Variants in SYNJ2BP observed in about 807,000 individuals in gnomAD.
The protein encoded by SYNJ2BP is synaptojanin 2 binding protein.
A neutral mutation model predicts 16.9 loss-of-function variants in SYNJ2BP; 10 were observed. That is an observed-to-expected ratio of 0.59 (90% CI 0.36 to 1.00). The LOEUF is 1.00. SYNJ2BP is among the 50% of genes least tolerant of loss of function. The pLI is 0.01. For missense variants in SYNJ2BP, 162 were observed against 186.7 expected (o/e 0.87, Z 0.77); for synonymous variants, 54 against 68.4 (o/e 0.79, Z 1.04).
intron 1 of SYNJ2BP, among the ~76,000 whole-genome samples, chr14:70,416,431 T>C (rs975890535): frequency 6.6e-6 from 1 of 151,876 alleles, no homozygotes. Context: ...CTAGTTGACA[T>C]TGTAAATGAA....
rs1448630777 is a variant in SYNJ2BP at position 70,417,012 on chromosome 14, C to T, written c.-49G>A. 6 of 1,613,806 alleles carry T rather than the reference C, an allele frequency of 3.7e-6. No homozygotes were observed. The highest frequency in any genetic ancestry group is 5.1e-6 in the Non-Finnish European group (6 of 1,179,850). ...TACTTGGGTCAGCTGGAGTGCAGCACAGGTGAAGGTGAATCAATCTCGGCG... is the reference window on the plus strand; with the variant it reads ...TACTTGGGTCAGCTGGAGTGCAGCATAGGTGAAGGTGAATCAATCTCGGCG... On this transcript the variant is annotated 5_prime_UTR_variant, in exon 1 of 4. In the 5' UTR this introduces an upstream ATG that the reference lacks. Transcript: ENST00000256366.
chr14:70,395,879 C>A (rs140819751), intron 1 of SYNJ2BP, among the ~76,000 whole-genome samples: 2 of 152,176 alleles, frequency 1.3e-5, no homozygotes, highest in Non-Finnish European at 2.9e-5. Flanking sequence ...AGTAGAATCA[C>A]ACAATATTTG....
chr14:70,410,719 G>A (rs1888454309), intron 1 of SYNJ2BP, among the ~76,000 whole-genome samples: 1 of 152,150 alleles, frequency 6.6e-6, no homozygotes, highest in South Asian at 2.1e-4. Flanking sequence ...TCGCAGGAAC[G>A]TGGATGCAGC....
At chr14:70,389,086 G>T (rs1364669045) in intron 1 of SYNJ2BP, among the ~76,000 whole-genome samples, 1 of 151,962 alleles carries the variant, frequency 6.6e-6, no homozygotes, top group African/African-American at 2.4e-5. Context: ...AGGATTACAG[G>T]TGTGAGCCAC....
chr14:70,378,424 CTTTT>C (rs34309608), intron 2 of SYNJ2BP, among the ~76,000 whole-genome samples: 1 of 110,136 alleles, frequency 9.1e-6, no homozygotes, highest in African/African-American at 3.7e-5. Flanking sequence ...TTCCTTCAAA[CTTTT>C]TTTTTTTTTT....
In SYNJ2BP at chr14:70,372,918, C is replaced by A. The variant is rs3742916; in HGVS notation, c.*73G>T. 7,328 of 1,585,056 alleles carry A rather than the reference C, an allele frequency of 4.6e-3. 335 individuals carry two copies. In the East Asian group the frequency reaches 0.1, roughly 22 times the overall value. On this transcript the variant is annotated 3_prime_UTR_variant, in exon 4 of 4. Coordinates refer to ENST00000256366, the MANE Select transcript of SYNJ2BP (RefSeq NM_018373.3). Reference sequence around the variant, plus strand: ...CTGGCTATGCAGAGAGAGGGAAAGACATGGCAGAATAGCAGGGGTGGAGGG... The same window carrying A: ...CTGGCTATGCAGAGAGAGGGAAAGAAATGGCAGAATAGCAGGGGTGGAGGG...
chr14:70,416,027 G>T (rs975434664), intron 1 of SYNJ2BP, among the ~76,000 whole-genome samples: 5 of 152,206 alleles, frequency 3.3e-5, no homozygotes, highest in Non-Finnish European at 5.9e-5. Flanking sequence ...TCAAGAATCA[G>T]TAAGAGGTTA....
At chr14:70,383,943 A>G (rs1444848698) in intron 2 of SYNJ2BP, among the ~76,000 whole-genome samples, 1 of 149,640 alleles carries the variant, frequency 6.7e-6, no homozygotes, top group Non-Finnish European at 1.5e-5. Flanking sequence ...TTCACTTTTG[A>G]TGAGAAAGAG....
chr14:70,406,253 T>C (rs1392385008), intron 1 of SYNJ2BP, among the ~76,000 whole-genome samples: 1 of 152,120 alleles, frequency 6.6e-6, no homozygotes, highest in Non-Finnish European at 1.5e-5. Context: ...AACTTTATAT[T>C]TAAAATGCTT....
At chr14:70,393,072 C>A (rs1054823021) in intron 1 of SYNJ2BP, among the ~76,000 whole-genome samples, 5 of 152,082 alleles carry the variant, frequency 3.3e-5, no homozygotes, top group Admixed American at 2.6e-4. Flanking sequence ...TGACAAAGGG[C>A]TAATATCCAG....
chr14:70,391,455 T>C (rs1287616207), intron 1 of SYNJ2BP, among the ~76,000 whole-genome samples: 1 of 152,060 alleles, frequency 6.6e-6, no homozygotes, highest in Non-Finnish European at 1.5e-5. Context: ...TAAGATAAGG[T>C]GGAAAAGCAG....
At chr14:70,400,646 T>A (rs998597639) in intron 1 of SYNJ2BP, among the ~76,000 whole-genome samples, 23 of 152,148 alleles carry the variant, frequency 1.5e-4, no homozygotes, top group African/African-American at 5.5e-4. Flanking sequence ...AAAACAATCA[T>A]TTAACCCCCT....
intron 2 of SYNJ2BP, among the ~76,000 whole-genome samples, chr14:70,387,477 T>C (rs1205043549): frequency 6.6e-6 from 1 of 152,222 alleles, no homozygotes; most frequent in Non-Finnish European, 1.5e-5. Flanking sequence ...TTTGCCTGAA[T>C]TTCTTAACTT....
chr14:70,393,491 A>C (rs139875257), intron 1 of SYNJ2BP, among the ~76,000 whole-genome samples: 4 of 152,348 alleles, frequency 2.6e-5, no homozygotes, highest in African/African-American at 9.6e-5. Context: ...TACTATAAAC[A>C]CACAGGCACA....
chr14:70,391,802 C>T lies in SYNJ2BP; in HGVS notation c.65-3196G>A, dbSNP rs773914771. On this transcript the variant is annotated intron_variant, in intron 1 of 3. Coordinates refer to ENST00000256366, the MANE Select transcript of SYNJ2BP (RefSeq NM_018373.3). Reference sequence around the variant, plus strand: ...AAGAGCCGTCTACTACACACCCCATCGAAGTCATATTATATAGGTACATTT... The same window carrying T: ...AAGAGCCGTCTACTACACACCCCATTGAAGTCATATTATATAGGTACATTT... Among the ~76,000 whole-genome samples, 12 of 152,270 alleles carry T rather than the reference C, an allele frequency of 7.9e-5. No homozygotes were observed. The South Asian group carries it at 1.7e-3, about 21-fold the overall frequency.
At chr14:70,403,169 C>A (rs1265195540) in intron 1 of SYNJ2BP, among the ~76,000 whole-genome samples, 1 of 152,112 alleles carries the variant, frequency 6.6e-6, no homozygotes, top group African/African-American at 2.4e-5. Flanking sequence ...AATAAGTAAT[C>A]AAGGAACTGG....
In SYNJ2BP at chr14:70,375,781, C is replaced by G; in HGVS notation, c.202-10G>C. On this transcript the variant is annotated splice_polypyrimidine_tract_variant and intron_variant, in intron 2 of 3. Transcript: ENST00000256366. ...GGTCTTGGCCATTTACCTGTCAAAA[C>G]ACCAAAGAGTAGTAAGAAAGGAAGA... The G allele has an allele frequency of 6.2e-7, 1 of 1,612,734 alleles. No individual in the cohort carries two copies. Among genetic ancestry groups the G allele is most frequent in the South Asian group, 1.1e-5 (1 of 90,760 alleles).
intron 1 of SYNJ2BP, among the ~76,000 whole-genome samples, chr14:70,397,034 T>A (rs2140851640): frequency 6.6e-6 from 1 of 152,220 alleles, no homozygotes; most frequent in East Asian, 1.9e-4. Flanking sequence ...GCTTTTGGTA[T>A]CACATCCAAG....
chr14:70,412,620 G>GTATGTGTAGTATATATACAGTA (rs1888510615), intron 1 of SYNJ2BP, among the ~76,000 whole-genome samples: 2 of 121,982 alleles, frequency 1.6e-5, no homozygotes, highest in Admixed American at 8.8e-5. Context: ...GTATATATAT[G>GTATGTGTAGTATATATACAGTA]TATATATAGT....
Sources: allele counts gnomAD v4.1 joint callset (sites outside exome capture counted in the v4.1 genomes callset), GRCh38; gene constraint gnomAD v4.1.1; transcripts MANE v1.5; gene names NCBI Gene and HGNC (gene_info 2026-07-23, HGNC 2026-07-21).